The following BCHE variants were observed in gnomAD, a reference collection of about 807,000 sequenced individuals.
BCHE encodes butyrylcholinesterase.
A neutral mutation model predicts 51.3 loss-of-function variants in BCHE; 48 were observed. The ratio of observed to expected loss-of-function variants is 0.94; its 90% CI spans 0.74 to 1.19. The LOEUF (loss-of-function observed/expected upper bound fraction) is 1.19, where lower values mean the gene tolerates loss of function less well. Among genes scored for constraint, BCHE ranks in the 50% most tolerant of loss-of-function variants. The pLI is 0.00. For missense variants in BCHE, 847 were observed against 708.2 expected, an observed-to-expected ratio of 1.20 and a Z score of -2.23; for synonymous variants, 251 against 238.0, an observed-to-expected ratio of 1.05 and a Z score of -0.50.
chr3:165,798,134 G>A (rs963344363), intron 2 of BCHE, among the ~76,000 whole-genome samples: 1 of 152,170 alleles, frequency 6.6e-6, no homozygotes, highest in African/African-American at 2.4e-5. Flanking sequence ...ATAAAAGGCT[G>A]TTTGGTAAAG....
rs1292568420 is a variant in BCHE, at chr3:165,830,644, A to C, written c.390T>G (p.Pro130=). ...TCAATACAGTGGCATTTTTTGGTTT[A>C]GGTGCTGGAATCCATACATTTAGAT... The part of the protein sequence containing the change: ...CLYLNVWIPA[P]KPKNATVLIW... The change falls in exon 2 of 4, where the codon CCT becomes CCG. Residue 130 remains proline, a synonymous_variant. Transcript: ENST00000264381. 1 of 1,614,038 alleles carries C rather than the reference A, an allele frequency of 6.2e-7. No homozygotes were observed. Among genetic ancestry groups the C allele is most frequent in the Non-Finnish European group, 8.5e-7 (1 of 1,179,968 alleles).
chr3:165,824,364 ATATCTATT>A (rs1326348285), intron 2 of BCHE, among the ~76,000 whole-genome samples: 4 of 151,992 alleles, frequency 2.6e-5, no homozygotes, highest in Admixed American at 2.6e-4. Context: ...TCACAATTTA[ATATCTATT>A]TATAATAAAG....
intron 2 of BCHE, among the ~76,000 whole-genome samples, chr3:165,788,396 T>G (rs1406894241): frequency 6.6e-6 from 1 of 152,084 alleles, no homozygotes; most frequent in Non-Finnish European, 1.5e-5. Context: ...CTATTCAAGC[T>G]AAACCAATAT....
chr3:165,822,638 C>G (rs1176106586), intron 2 of BCHE, among the ~76,000 whole-genome samples: 1 of 151,978 alleles, frequency 6.6e-6, no homozygotes, highest in South Asian at 2.1e-4. Flanking sequence ...GTGAATGGTT[C>G]TCTCTGAGAT....
In BCHE at chr3:165,786,199, C is replaced by G. The variant is rs781374688; in HGVS notation, c.1630G>C (p.Ala544Pro). The G allele has an allele frequency of 2.5e-6, 4 of 1,612,264 alleles. No individual in the cohort carries two copies. The East Asian group carries it at 6.7e-5, about 27-fold the overall frequency. Reference protein sequence around the residue: ...ESTRIMTKLRAQQCRFWTSFF... With the variant: ...ESTRIMTKLRPQQCRFWTSFF... ...GATGTCCAGAATCGACATTGTTGAG[C>G]ACGTAGTTTCGTCATTATTCTTGTT... Residue 544 changes from alanine (A) to proline (P), a missense_variant, in exon 3 of 4, where the codon GCT (alanine) becomes CCT (proline). Ala to Pro is a conservative substitution (Grantham distance 27, BLOSUM62 -1). Coordinates refer to ENST00000264381, the MANE Select transcript of BCHE (RefSeq NM_000055.4).
At chr3:165,786,489 CCA>C (rs1207718037) in intron 2 of BCHE, among the ~76,000 whole-genome samples, 178 bp from the exon 3 acceptor site, 1 of 151,586 alleles carries the variant, frequency 6.6e-6, no homozygotes, top group East Asian at 1.9e-4. Flanking sequence ...GCACTGAGAA[CCA>C]CTATGTTATT....
At chr3:165,791,960 A>AAATAAAATAAAATAC (rs1576843170) in intron 2 of BCHE, among the ~76,000 whole-genome samples, 2 of 151,172 alleles carry the variant, frequency 1.3e-5, no homozygotes, top group Admixed American at 1.3e-4. Flanking sequence ...AAATAAAATA[A>AAATAAAATAAAATAC]AATAAAATAA....
intron 2 of BCHE, among the ~76,000 whole-genome samples, chr3:165,786,728 A>G (rs1560004778): frequency 6.6e-6 from 1 of 151,736 alleles, no homozygotes; most frequent in Non-Finnish European, 1.5e-5. Flanking sequence ...ATTTCATTCT[A>G]TATACTCTTA....
rs1413534416 is a variant in BCHE, at chr3:165,830,181, C to T, written c.853G>A (p.Glu285Lys). Residue 285 changes from glutamate to lysine, a missense_variant, in exon 2 of 4, where the codon GAG (glutamate) becomes AAG (lysine). Coordinates refer to ENST00000264381, the MANE Select transcript of BCHE (RefSeq NM_000055.4). The part of the protein sequence containing the change: ...AKLTGCSREN[E>K]TEIIKCLRNK... Reference sequence around the variant, plus strand: ...CTAAGACACTTGATTATTTCAGTCTCATTCTCTCTAGAGCAACCAGTCAAT... The same window carrying T: ...CTAAGACACTTGATTATTTCAGTCTTATTCTCTCTAGAGCAACCAGTCAAT... The T allele has an allele frequency of 1.2e-6, 2 of 1,613,828 alleles. No homozygotes were observed. The highest frequency in any genetic ancestry group is 2.7e-5 in the African/African-American group (2 of 74,904).
chr3:165,815,258 A>G (rs982942271), intron 2 of BCHE, among the ~76,000 whole-genome samples: 1 of 151,654 alleles, frequency 6.6e-6, no homozygotes, highest in Non-Finnish European at 1.5e-5. Context: ...AAAAAAAAAA[A>G]AAAATAAGGG....
At chr3:165,827,869 C>T (rs957428760) in intron 2 of BCHE, 19 of 315,584 alleles carry the variant, frequency 6.0e-5, no homozygotes, top group African/African-American at 2.9e-4. Context: ...TTTACAGCTA[C>T]GGGTAATATA....
intron 1 of BCHE, among the ~76,000 whole-genome samples, chr3:165,831,902 G>A (rs1715003174): frequency 6.6e-6 from 1 of 152,132 alleles, no homozygotes; most frequent in African/African-American, 2.4e-5. Flanking sequence ...TTTATACTCA[G>A]TATTACTCAA....
At chr3:165,788,392 A>C (rs1047363324) in intron 2 of BCHE, among the ~76,000 whole-genome samples, 3 of 152,110 alleles carry the variant, frequency 2.0e-5, no homozygotes, top group Admixed American at 1.3e-4. Context: ...AGAGCTATTC[A>C]AGCTAAACCA....
intron 2 of BCHE, among the ~76,000 whole-genome samples, chr3:165,820,531 A>C (rs1301157330): frequency 6.6e-6 from 1 of 152,032 alleles, no homozygotes; most frequent in African/African-American, 2.4e-5. Context: ...CAATAAAATA[A>C]ATCCAAGGGG....
chr3:165,779,203 G>C (rs1354991204), intron 3 of BCHE, among the ~76,000 whole-genome samples: 1 of 152,038 alleles, frequency 6.6e-6, no homozygotes, highest in Non-Finnish European at 1.5e-5. Flanking sequence ...AAGGGAAATG[G>C]CCTTCAATGA....
chr3:165,796,149 C>CT (rs1352923013), intron 2 of BCHE, among the ~76,000 whole-genome samples: 1 of 152,102 alleles, frequency 6.6e-6, no homozygotes, highest in African/African-American at 2.4e-5. Flanking sequence ...GACATACTAG[C>CT]TGCACATAAT....
chr3:165,797,195 C>T (rs1432971426), intron 2 of BCHE, among the ~76,000 whole-genome samples: 3 of 88,608 alleles, frequency 3.4e-5, no homozygotes, highest in Non-Finnish European at 6.9e-5. Context: ...CTTCGTTCTT[C>T]CCTCCCTTCC....
chr3:165,803,833 C>T (rs145276207), intron 2 of BCHE, among the ~76,000 whole-genome samples: 54 of 151,966 alleles, frequency 3.6e-4, no homozygotes, highest in Non-Finnish European at 4.1e-4. Flanking sequence ...TAAGTAGATA[C>T]GTACATAAGG....
intron 2 of BCHE, among the ~76,000 whole-genome samples, chr3:165,806,941 G>A (rs921701148): frequency 6.6e-6 from 1 of 151,914 alleles, no homozygotes; most frequent in Non-Finnish European, 1.5e-5. Flanking sequence ...ATGACACCGT[G>A]TCTTTAGGAG....
Sources: gnomAD v4.1 joint callset for allele counts (sites outside exome capture counted in the v4.1 genomes callset) on GRCh38, gnomAD v4.1.1 for gene constraint, MANE v1.5 for transcripts, NCBI Gene and HGNC (gene_info 2026-07-23, HGNC 2026-07-21) for gene names.